The following PRKN variants were observed in gnomAD, a reference collection of about 807,000 sequenced individuals.
The protein encoded by PRKN is parkin RBR E3 ubiquitin protein ligase.
In PRKN, 56 loss-of-function variants were observed where a neutral mutation model predicts 59.5. The ratio of observed to expected loss-of-function variants is 0.94; its 90% CI spans 0.76 to 1.18. PRKN has a LOEUF of 1.18. Among genes scored for constraint, PRKN ranks in the 50% most tolerant of loss-of-function variants. The pLI is 0.00. For missense variants in PRKN, 657 were observed against 596.4 expected, an observed-to-expected ratio of 1.10 and a Z score of -1.06; for synonymous variants, 250 against 222.1, an observed-to-expected ratio of 1.13 and a Z score of -1.12.
chr6:162,240,495 C>A (rs1451793403), intron 3 of PRKN, among the ~76,000 whole-genome samples: 1 of 152,024 alleles, frequency 6.6e-6, no homozygotes, highest in African/African-American at 2.4e-5. Context: ...TGATTAGAAG[C>A]AATTAACTTA....
intron 9 of PRKN, among the ~76,000 whole-genome samples, chr6:161,481,912 G>A (rs1383083421): frequency 6.6e-6 from 1 of 150,956 alleles, no homozygotes; most frequent in Admixed American, 6.6e-5. Flanking sequence ...AGGAAGGAAG[G>A]GAGGGAGGGG....
intron 2 of PRKN, among the ~76,000 whole-genome samples, chr6:162,317,840 G>A (rs1425669227): frequency 1.3e-5 from 2 of 152,000 alleles, no homozygotes; most frequent in African/African-American, 4.8e-5. Flanking sequence ...GGAGAAGTGA[G>A]GTGGCTGGCT....
chr6:162,465,902 T>C (rs1791390020), intron 1 of PRKN, among the ~76,000 whole-genome samples: 1 of 152,216 alleles, frequency 6.6e-6, no homozygotes, highest in Admixed American at 6.6e-5. Context: ...TCTCATGCTA[T>C]CTGCAATCCT....
intron 6 of PRKN, among the ~76,000 whole-genome samples, chr6:161,830,258 T>G (rs995795717): frequency 2.1e-4 from 22 of 103,574 alleles, no homozygotes; most frequent in African/African-American, 1.0e-3. Context: ...TTGTTTTTTG[T>G]TTTTTTTTTT....
At chr6:162,093,238 C>G (rs1304265568) in intron 4 of PRKN, among the ~76,000 whole-genome samples, 1 of 152,158 alleles carries the variant, frequency 6.6e-6, no homozygotes, top group Non-Finnish European at 1.5e-5. Context: ...CCTGTCACTC[C>G]CACTAATGCC....
rs114728176 is a variant in PRKN, at chr6:162,374,838, T to G, written c.171+68472A>C. On this transcript the variant is annotated intron_variant, in intron 2 of 11. Coordinates refer to ENST00000366898, the MANE Select transcript of PRKN (RefSeq NM_004562.3). ...AATATTAAGAGTTTGAAATATGGTTTCTGGTCAGAGTCTCTATGAATCAAT... is the reference window on the plus strand; with the variant it reads ...AATATTAAGAGTTTGAAATATGGTTGCTGGTCAGAGTCTCTATGAATCAAT... 7.6e-3 allele frequency among the ~76,000 whole-genome samples: 1,154 copies of G among 152,208 alleles called. 13 individuals carry two copies. Among genetic ancestry groups the G allele is most frequent in the African/African-American group, 0.025 (1,042 of 41,544 alleles).
At chr6:162,190,575 T>C (rs2128326568) in intron 4 of PRKN, among the ~76,000 whole-genome samples, 1 of 152,322 alleles carries the variant, frequency 6.6e-6, no homozygotes, top group East Asian at 1.9e-4. Flanking sequence ...CACCCGGCTT[T>C]ACTGATGCAT....
intron 7 of PRKN, among the ~76,000 whole-genome samples, chr6:161,723,795 C>T (rs754114826): frequency 2.0e-5 from 3 of 152,138 alleles, no homozygotes; most frequent in Non-Finnish European, 4.4e-5. Context: ...CTGCCTTTGC[C>T]GCTCCCTTCT....
At chr6:162,074,181 C>T (rs1221334548) in intron 4 of PRKN, among the ~76,000 whole-genome samples, 9 of 139,194 alleles carry the variant, frequency 6.5e-5, no homozygotes, top group Admixed American at 1.5e-4. Context: ...CACATGCACA[C>T]GTATGTTTAT....
At chr6:162,510,221 C>G (rs536704948) in intron 1 of PRKN, among the ~76,000 whole-genome samples, 1 of 152,142 alleles carries the variant, frequency 6.6e-6, no homozygotes, top group Non-Finnish European at 1.5e-5. Flanking sequence ...CCAGAGTGGT[C>G]CAAAGCAGTT....
chr6:161,412,232 A>C, intron 9 of PRKN, among the ~76,000 whole-genome samples: 1 of 120,774 alleles, frequency 8.3e-6, no homozygotes. Flanking sequence ...TTCCTTCCTC[A>C]CTCATTCCTC....
intron 1 of PRKN, among the ~76,000 whole-genome samples, chr6:162,644,554 C>G (rs748288531): frequency 6.6e-5 from 10 of 152,028 alleles, no homozygotes; most frequent in Non-Finnish European, 1.2e-4. Flanking sequence ...TAAAAAATAA[C>G]CGTTGAATAT....
At position 161,581,041 on chromosome 6, in the gene PRKN, A is replaced by AACACACACACACACACACACACACAC. The variant is rs71004055; in HGVS notation, c.872-11651_872-11626dup. Among the ~76,000 whole-genome samples, 1 of 137,538 alleles carries AACACACACACACACACACACACACAC rather than the reference A, an allele frequency of 7.3e-6. No individual in the cohort carries two copies. Among genetic ancestry groups the AACACACACACACACACACACACACAC allele is most frequent in the Admixed American group, 7.2e-5 (1 of 13,802 alleles). The allele number at this position is 137,538 out of a possible 152,430, so 90.2% of individuals were successfully genotyped here. ...ACACAGTGAAATCCTGTCTCTACTAAACACACACACACACACACACACACA... is the reference window on the plus strand; with the variant it reads ...ACACAGTGAAATCCTGTCTCTACTAAACACACACACACACACACACACACACACACACACACACACACACACACACA... On this transcript the variant is annotated intron_variant, in intron 7 of 11. Coordinates refer to ENST00000366898, the MANE Select transcript of PRKN (RefSeq NM_004562.3). This position sits in a 1 kb window ranked among gnomAD's most constrained non-coding sequence, Gnocchi z 4.5.
At chr6:162,116,996 A>ATTCT (rs1780702325) in intron 4 of PRKN, among the ~76,000 whole-genome samples, 1 of 152,224 alleles carries the variant, frequency 6.6e-6, no homozygotes, top group South Asian at 2.1e-4. Context: ...ACAGGATAGA[A>ATTCT]GGCAGAGTTT....
chr6:162,671,935 CACCA>C (rs1779338658), intron 1 of PRKN, among the ~76,000 whole-genome samples: 1 of 151,830 alleles, frequency 6.6e-6, no homozygotes, highest in Non-Finnish European at 1.5e-5. Context: ...CGGAGGCAGA[CACCA>C]GGGCTGCAGA....
intron 5 of PRKN, among the ~76,000 whole-genome samples, chr6:162,047,453 G>A (rs1032798821): frequency 5.9e-5 from 9 of 151,982 alleles, no homozygotes; most frequent in South Asian, 2.1e-4. Flanking sequence ...AATGAAGACC[G>A]TCATTTGTGA....
intron 1 of PRKN, among the ~76,000 whole-genome samples, chr6:162,548,187 G>A (rs1779193581): frequency 6.6e-6 from 1 of 152,060 alleles, no homozygotes; most frequent in Non-Finnish European, 1.5e-5. Context: ...AGCCTCCTGA[G>A]TAGCTAGGAC....
rs1787337046 is a variant in PRKN, at chr6:161,407,579, T to G, written c.1084-20702A>C. Among the ~76,000 whole-genome samples the G allele has an allele frequency of 6.6e-6, 1 of 152,148 alleles. No individual in the cohort carries two copies. Among genetic ancestry groups the G allele is most frequent in the Admixed American group, 6.5e-5 (1 of 15,280 alleles). Reference sequence around the variant, plus strand: ...TTAAAATACACAAAAAGGTACTTCTTAGAGTTGAGGATAAGTGTTGGATGC... The same window carrying G: ...TTAAAATACACAAAAAGGTACTTCTGAGAGTTGAGGATAAGTGTTGGATGC... On this transcript the variant is annotated intron_variant, in intron 9 of 11. Coordinates refer to ENST00000366898, the MANE Select transcript of PRKN (RefSeq NM_004562.3). This position sits in a 1 kb window ranked among gnomAD's most constrained non-coding sequence, Gnocchi z 4.9.
At chr6:161,455,703 A>G (rs552743569) in intron 9 of PRKN, among the ~76,000 whole-genome samples, 8 of 151,866 alleles carry the variant, frequency 5.3e-5, no homozygotes, top group African/African-American at 1.5e-4. Flanking sequence ...ATCTCTACTA[A>G]ATACAAAAAA....
Sources: allele counts gnomAD v4.1 joint callset (sites outside exome capture counted in the v4.1 genomes callset), GRCh38; gene constraint gnomAD v4.1.1; non-coding constraint Gnocchi (gnomAD v3.1); transcripts MANE v1.5; gene names NCBI Gene and HGNC (gene_info 2026-07-23, HGNC 2026-07-21).